Variants in CTNNA2 observed in about 807,000 individuals in gnomAD.
CTNNA2 encodes catenin alpha 2.
A neutral mutation model predicts 101.0 loss-of-function variants in CTNNA2; 42 were observed. The ratio of observed to expected loss-of-function variants is 0.42; its 90% CI spans 0.32 to 0.54. The LOEUF (loss-of-function observed/expected upper bound fraction) is 0.54. Ranked by LOEUF, CTNNA2 falls within the 20% of genes least tolerant of loss-of-function variation. CTNNA2 has a pLI of 0.14. For synonymous variants in CTNNA2, 450 were observed against 456.4 expected, an observed-to-expected ratio of 0.99 and a Z score of 0.18; for missense variants, 871 against 1,223.1, an observed-to-expected ratio of 0.71 and a Z score of 4.29.
intron 2 of CTNNA2, among the ~76,000 whole-genome samples, chr2:79,708,350 C>T (rs540365222): frequency 6.6e-6 from 1 of 152,202 alleles, no homozygotes; most frequent in South Asian, 2.1e-4. Flanking sequence ...TTCCTTTTCA[C>T]CCTATTTATA....
intron 1 of CTNNA2, among the ~76,000 whole-genome samples, chr2:79,603,651 ATAAT>A (rs1260350534): frequency 6.6e-6 from 1 of 152,212 alleles, no homozygotes; most frequent in African/African-American, 2.4e-5. Context: ...AAACTAACTG[ATAAT>A]TAGAGCGTCA....
At chr2:79,421,658 T>A (rs1313931015) in intron 4 of CTNNA2, among the ~76,000 whole-genome samples, 2 of 152,130 alleles carry the variant, frequency 1.3e-5, no homozygotes, top group African/African-American at 4.8e-5. Context: ...TTGTATTTAA[T>A]TAGAAATTAG....
chr2:80,600,174 G>T (rs1697361858), intron 15 of CTNNA2, among the ~76,000 whole-genome samples: 1 of 151,916 alleles, frequency 6.6e-6, no homozygotes, highest in South Asian at 2.1e-4. Context: ...AAAATAAAGA[G>T]TGTGATTCCT....
chr2:80,343,859 A>G (rs1020978825), intron 7 of CTNNA2, among the ~76,000 whole-genome samples: 2 of 152,226 alleles, frequency 1.3e-5, no homozygotes, highest in African/African-American at 2.4e-5. Context: ...CATCATTTCT[A>G]TCAGCACACA....
intron 18 of CTNNA2, among the ~76,000 whole-genome samples, chr2:80,640,526 A>G (rs1456605148): frequency 6.6e-6 from 1 of 152,132 alleles, no homozygotes; most frequent in Non-Finnish European, 1.5e-5. Flanking sequence ...TGTTTGCTTG[A>G]GTTATTTATT....
At chr2:79,354,468 A>G (rs1425569859) in intron 3 of CTNNA2, among the ~76,000 whole-genome samples, 1 of 152,060 alleles carries the variant, frequency 6.6e-6, no homozygotes, top group Non-Finnish European at 1.5e-5. Flanking sequence ...GGTGTATTCT[A>G]TTTTAAATGC....
rs1691940286 is a variant in CTNNA2, at chr2:79,988,607, C to T, written c.1056+78810C>T. 2.0e-5 allele frequency among the ~76,000 whole-genome samples: 3 copies of T among 152,084 alleles called. No individual in the cohort carries two copies. In the South Asian group the frequency reaches 6.2e-4, roughly 31 times the overall value. ...AGTAATTCTGTGAGAATTCTGGATA[C>T]TTGCAAGAGCTTATTTTACAACCAA... On this transcript the variant is annotated intron_variant, in intron 7 of 18. Coordinates refer to ENST00000402739, the MANE Select transcript of CTNNA2 (RefSeq NM_001282597.3).
chr2:79,727,806 A>C (rs1361183112), intron 2 of CTNNA2, among the ~76,000 whole-genome samples: 3 of 141,826 alleles, frequency 2.1e-5, no homozygotes, highest in South Asian at 2.3e-4. Context: ...CAATTCCCAC[A>C]TATGAGTGAG....
chr2:79,943,789 T>C (rs936341755), intron 7 of CTNNA2, among the ~76,000 whole-genome samples: 1 of 152,230 alleles, frequency 6.6e-6, no homozygotes, highest in Non-Finnish European at 1.5e-5. Context: ...AATGATAGCC[T>C]TTGCCACAAG....
intron 1 of CTNNA2, among the ~76,000 whole-genome samples, chr2:79,531,323 T>C (rs1448615377): frequency 1.3e-5 from 2 of 150,916 alleles, no homozygotes; most frequent in East Asian, 2.0e-4. Context: ...TTTATAAGCA[T>C]TAAAATGCCA....
At chr2:79,460,751 G>C (rs401644) in intron 4 of CTNNA2, among the ~76,000 whole-genome samples, 98,675 of 151,978 alleles carry the variant, frequency 0.65, 32,971 homozygotes, top group African/African-American at 0.82. Context: ...ACTTAGACTC[G>C]TCAACACTAC....
intron 1 of CTNNA2, chr2:79,185,444 T>C (rs906888444): frequency 6.6e-6 from 1 of 152,200 alleles, no homozygotes; most frequent in African/African-American, 2.4e-5. Flanking sequence ...GAGTACTTTA[T>C]AAAGCTAAAT....
intron 12 of CTNNA2, among the ~76,000 whole-genome samples, chr2:80,567,332 C>T (rs114130917): frequency 0.012 from 1,794 of 151,780 alleles, 41 homozygotes; most frequent in African/African-American, 0.04. Context: ...TGTGTTATGG[C>T]TTCAGTTTGG....
intron 4 of CTNNA2, among the ~76,000 whole-genome samples, chr2:79,378,510 T>A (rs1678003827): frequency 6.6e-6 from 1 of 152,204 alleles, no homozygotes; most frequent in Non-Finnish European, 1.5e-5. Context: ...CATAGTTTCC[T>A]GTGGTCTTGT....
intron 3 of CTNNA2, among the ~76,000 whole-genome samples, chr2:79,326,006 G>T (rs968348292): frequency 1.3e-5 from 2 of 152,136 alleles, no homozygotes; most frequent in Non-Finnish European, 2.9e-5. Flanking sequence ...AGAGGTGGAC[G>T]TTTATGATGA....
In CTNNA2 at chr2:80,162,625, G is replaced by T. The variant is rs553390999; in HGVS notation, c.1057-230586G>T. The T allele has an allele frequency of 1.6e-5, 26 of 1,611,614 alleles. No individual in the cohort carries two copies. In the African/African-American group the frequency reaches 2.9e-4, roughly 18 times the overall value. Reference sequence around the variant, plus strand: ...TCCCGGCTATAATGTCTATCTGCTAGGTAGGGATGAGAATTCATTCTGACT... The same window carrying T: ...TCCCGGCTATAATGTCTATCTGCTATGTAGGGATGAGAATTCATTCTGACT... On this transcript the variant is annotated intron_variant, in intron 7 of 18. Transcript: ENST00000402739.
chr2:79,217,217 G>A (rs187220704), intron 2 of CTNNA2, among the ~76,000 whole-genome samples: 64 of 152,160 alleles, frequency 4.2e-4, no homozygotes, highest in Non-Finnish European at 7.9e-4. Context: ...CCCTGAGATC[G>A]TAAGTGGATC....
intron 2 of CTNNA2, among the ~76,000 whole-genome samples, chr2:79,258,205 A>C (rs1674873693): frequency 6.6e-6 from 1 of 152,200 alleles, no homozygotes; most frequent in Admixed American, 6.5e-5. Flanking sequence ...CAACCCATAC[A>C]AATGCCAAGC....
chr2:80,570,325 A>T (rs112070389), intron 12 of CTNNA2, among the ~76,000 whole-genome samples: 1 of 152,240 alleles, frequency 6.6e-6, no homozygotes, highest in African/African-American at 2.4e-5. Context: ...CTGGAATTAC[A>T]CGTGTGAGCC....
Sources: allele counts gnomAD v4.1 joint callset (sites outside exome capture counted in the v4.1 genomes callset), GRCh38; gene constraint gnomAD v4.1.1; transcripts MANE v1.5; gene names NCBI Gene and HGNC (gene_info 2026-07-23, HGNC 2026-07-21).